The following GRIN2D variants were observed in gnomAD, a reference collection of about 807,000 sequenced individuals.
GRIN2D encodes glutamate ionotropic receptor NMDA type subunit 2D, also known as glutamate receptor ionotropic, NMDA 2D.
A neutral mutation model predicts 103.2 loss-of-function variants in GRIN2D; 37 were observed. That is an observed-to-expected ratio of 0.36 (90% CI 0.28 to 0.47). The LOEUF (loss-of-function observed/expected upper bound fraction) is 0.47, where lower values mean the gene tolerates loss of function less well. Ranked by LOEUF, GRIN2D falls within the 20% of genes least tolerant of loss-of-function variation. The pLI is 1.00. For synonymous variants in GRIN2D, 845 were observed against 885.6 expected, an observed-to-expected ratio of 0.95 and a Z score of 0.81; for missense variants, 1,557 against 1,910.6, an observed-to-expected ratio of 0.81 and a Z score of 3.45.
At chr19:48,402,794 G>GAGAGAGAGAGAA (rs1012799443) in intron 3 of GRIN2D, among the ~76,000 whole-genome samples, 2 of 144,950 alleles carry the variant, frequency 1.4e-5, no homozygotes, top group African/African-American at 5.3e-5. Context: ...GAGAGAGAGA[G>GAGAGAGAGAGAA]AGAGAGAGAG....
At chr19:48,396,049 C>T (rs937919286) in intron 2 of GRIN2D, among the ~76,000 whole-genome samples, 13 of 152,056 alleles carry the variant, frequency 8.5e-5, no homozygotes, top group African/African-American at 2.9e-4. Flanking sequence ...ATAGCGCTTC[C>T]GTCTGAGGAA....
At chr19:48,431,516 A>G (rs1283102780) in intron 11 of GRIN2D, among the ~76,000 whole-genome samples, 1 of 151,936 alleles carries the variant, frequency 6.6e-6, no homozygotes, top group Admixed American at 6.6e-5. Context: ...CTTTGTATGT[A>G]ACCTGTTGTT....
chr19:48,396,614 G>C (rs1051926653), intron 2 of GRIN2D, among the ~76,000 whole-genome samples: 1 of 152,044 alleles, frequency 6.6e-6, no homozygotes, highest in African/African-American at 2.4e-5. Context: ...CAATGGAAAG[G>C]AGGAGCGAAG....
At position 48,409,812 on chromosome 19, in the gene GRIN2D, G is replaced by A. The variant is rs143604081; in HGVS notation, c.1086-4179G>A. Among the ~76,000 whole-genome samples, 70 of 151,460 alleles carry A rather than the reference G, an allele frequency of 4.6e-4. 1 individual carries two copies. The East Asian group carries it at 0.013, about 27-fold the overall frequency. ...TTTCTTTTTTTTGAGATACAGTCTC[G>A]CTCTGTTGCCCTGGCTGGAGTGCAG... On this transcript the variant is annotated intron_variant, in intron 4 of 13. Coordinates refer to ENST00000263269, the MANE Select transcript of GRIN2D (RefSeq NM_000836.4).
rs1021619664 is a variant in GRIN2D, at chr19:48,442,039, C to T, written c.2440+83C>T. The stretch of plus-strand genomic sequence containing the variant: ...TCCGGGGAAGAAAGGGACAAAGACC[C>T]GGACACCAGGGTCTGAGGGAGGAAG... On this transcript the variant is annotated intron_variant, in intron 12 of 13. Coordinates refer to ENST00000263269, the MANE Select transcript of GRIN2D (RefSeq NM_000836.4). This position sits in a 1 kb window ranked among gnomAD's most constrained non-coding sequence, Gnocchi z 7.2. 1.7e-5 allele frequency: 25 copies of T among 1,511,528 alleles called. No individual in the cohort carries two copies. The highest frequency in any genetic ancestry group is 2.1e-5 in the Non-Finnish European group (23 of 1,106,648). The allele number at this position is 1,511,528 out of a possible 1,614,324, so 93.6% of individuals were successfully genotyped here.
At position 48,443,138 on chromosome 19, in the gene GRIN2D, T is replaced by C. The variant is rs774451564; in HGVS notation, c.3212T>C (p.Leu1071Pro). 5 of 992,312 alleles carry C rather than the reference T, an allele frequency of 5.0e-6. No homozygotes were observed. The highest frequency in any genetic ancestry group is 1.8e-5 in the African/African-American group (1 of 55,046). 61.5% of individuals were successfully genotyped at this position (992,312 alleles called of 1,614,324 possible). Reference sequence around the variant, plus strand: ...CGCTCGGACCCCGAGAGCCAACCCCTGCTGGGGCCAGGCGCGGGCGGCGCG... The same window carrying C: ...CGCTCGGACCCCGAGAGCCAACCCCCGCTGGGGCCAGGCGCGGGCGGCGCG... ...WPRSDPESQP[L>P]LGPGAGGAGG... The change falls in exon 14 of 14, where the codon CTG becomes CCG. Residue 1071 changes from leucine to proline, a missense_variant. By Grantham distance (98) the Leu-to-Pro change is moderately conservative. Transcript: ENST00000263269. The surrounding 1 kb of genome is among the most constrained non-coding windows in gnomAD (Gnocchi z 8.9).
At chr19:48,428,829 C>A (rs527997543) in intron 11 of GRIN2D, among the ~76,000 whole-genome samples, 1 of 152,142 alleles carries the variant, frequency 6.6e-6, no homozygotes. Context: ...GGGAACACAA[C>A]TAAACCCTTA....
intron 3 of GRIN2D, among the ~76,000 whole-genome samples, chr19:48,402,152 G>GAAAT (rs1259028541): frequency 9.3e-5 from 13 of 139,748 alleles, no homozygotes; most frequent in African/African-American, 3.4e-4. Context: ...AAGAAAGAAA[G>GAAAT]AAAGAAAGAA....
At chr19:48,435,569 C>T (rs932913875) in intron 11 of GRIN2D, among the ~76,000 whole-genome samples, 60 of 152,180 alleles carry the variant, frequency 3.9e-4, no homozygotes, top group East Asian at 1.9e-4. Flanking sequence ...CTCAGCCTCC[C>T]GAGTGGCTGA....
intron 3 of GRIN2D, among the ~76,000 whole-genome samples, chr19:48,403,825 T>G (rs902774808): frequency 6.6e-6 from 1 of 152,238 alleles, no homozygotes; most frequent in African/African-American, 2.4e-5. Flanking sequence ...TCTCAGTGGC[T>G]GCTGGGGGCT....
At chr19:48,420,279 T>A (rs929495466) in intron 10 of GRIN2D, among the ~76,000 whole-genome samples, 3 of 151,146 alleles carry the variant, frequency 2.0e-5, no homozygotes, top group Admixed American at 2.0e-4. Context: ...GTACATAAAA[T>A]TAGCCGGGCG....
intron 11 of GRIN2D, among the ~76,000 whole-genome samples, chr19:48,427,985 C>T (rs10419031): frequency 6.6e-6 from 1 of 150,994 alleles, no homozygotes; most frequent in Non-Finnish European, 1.5e-5. Context: ...GCTGTTGACT[C>T]TTGATCCCTG....
intron 3 of GRIN2D, among the ~76,000 whole-genome samples, chr19:48,399,864 C>CG (rs1162948497): frequency 5.1e-5 from 1 of 19,582 alleles, no homozygotes; most frequent in East Asian, 8.4e-4. Flanking sequence ...GAAAAGGGGG[C>CG]GGGGCTAGCC....
rs769294269 is a variant in GRIN2D, at chr19:48,410,178, C to T, written c.1086-3813C>T. ...TGCAAAAACCCAGAGGGGAGAGAAA[C>T]TTGGGCAGATGGTGGGACCACAATA... is the stretch of plus-strand genomic sequence containing the variant. On this transcript the variant is annotated intron_variant, in intron 4 of 13. Transcript: ENST00000263269. Among the ~76,000 whole-genome samples, 20 of 150,834 alleles carry T rather than the reference C, an allele frequency of 1.3e-4. No individual in the cohort carries two copies. In the Admixed American group the frequency reaches 1.3e-3, roughly 10 times the overall value.
chr19:48,416,688 ATC>A (rs1970952392), intron 8 of GRIN2D, among the ~76,000 whole-genome samples: 2 of 151,478 alleles, frequency 1.3e-5, no homozygotes, highest in African/African-American at 4.9e-5. Flanking sequence ...GTCCAGTAGG[ATC>A]TCTCAGCCTT....
chr19:48,398,343 G>A (rs1970667623), intron 2 of GRIN2D, 24 bp from the exon 3 acceptor site: 10 of 1,021,798 alleles, frequency 9.8e-6, no homozygotes, highest in Non-Finnish European at 1.2e-5. Flanking sequence ...TCTCCTCCCC[G>A]TCTCTCCCGG....
In GRIN2D at chr19:48,443,435, C is replaced by T; in HGVS notation, c.3509C>T (p.Pro1170Leu). ...GWRAGSWDYL[P>L]PRSGPAAWHC... ...CGCGCCGGGAGCTGGGACTACCTGC[C>T]CCCGCGCAGCGGTCCGGCCGCCTGG... The change falls in exon 14 of 14, where the codon CCC (proline) becomes CTC (leucine). Residue 1170 changes from proline to leucine, a missense_variant. By Grantham distance (98) the Pro-to-Leu change is moderately conservative. Around this residue, in one of 7 missense-constraint regions of GRIN2D, gnomAD observed 632 missense variants for 572.8 expected, o/e 1.10. Transcript: ENST00000263269. This position sits in a 1 kb window ranked among gnomAD's most constrained non-coding sequence, Gnocchi z 8.9. 1.4e-6 allele frequency: 2 copies of T among 1,388,936 alleles called. No homozygotes were observed. The highest frequency in any genetic ancestry group is 3.1e-5 in the East Asian group (1 of 32,718). The allele number at this position is 1,388,936 out of a possible 1,614,324, so 86.0% of individuals were successfully genotyped here.
At chr19:48,397,815 T>C (rs932764608) in intron 2 of GRIN2D, among the ~76,000 whole-genome samples, 1 of 151,812 alleles carries the variant, frequency 6.6e-6, no homozygotes, top group Admixed American at 6.6e-5. Flanking sequence ...TCTCTGTGGG[T>C]GTCCCCATCC....
intron 11 of GRIN2D, among the ~76,000 whole-genome samples, chr19:48,440,750 G>A (rs974986395): frequency 6.6e-6 from 1 of 152,090 alleles, no homozygotes; most frequent in Non-Finnish European, 1.5e-5. Context: ...GCAGTGGCTC[G>A]ATTTTGGCTC....
Sources: allele counts gnomAD v4.1 joint callset (sites outside exome capture counted in the v4.1 genomes callset), GRCh38; gene constraint gnomAD v4.1.1; regional missense constraint gnomAD v4.1.1; non-coding constraint Gnocchi (gnomAD v3.1); transcripts MANE v1.5; gene names NCBI Gene and HGNC (gene_info 2026-07-23, HGNC 2026-07-21).